The following FOCAD variants were observed in gnomAD, a reference collection of about 807,000 sequenced individuals.
FOCAD encodes the protein focadhesin, also known as KIAA1797.
Under a neutral mutation model 225.6 loss-of-function variants are expected in FOCAD, and 198 were observed. The ratio of observed to expected loss-of-function variants is 0.88; its 90% CI spans 0.78 to 0.99. FOCAD has a LOEUF of 0.99. Ranked by LOEUF, FOCAD falls within the 50% of genes least tolerant of loss-of-function variation. FOCAD has a pLI of 0.00. For synonymous variants in FOCAD, 897 were observed against 755.0 expected, an observed-to-expected ratio of 1.19 and a Z score of -3.08; for missense variants, 2,713 against 2,123.6, an observed-to-expected ratio of 1.28 and a Z score of -5.46.
chr9:20,935,818 A>T (rs1045663601), intron 28 of FOCAD, among the ~76,000 whole-genome samples: 1 of 152,264 alleles, frequency 6.6e-6, no homozygotes, highest in African/African-American at 2.4e-5. Context: ...AAATGGAAGC[A>T]AACAGGTTAT....
intron 18 of FOCAD, among the ~76,000 whole-genome samples, chr9:20,870,532 C>G (rs576736412): frequency 2.0e-5 from 3 of 152,166 alleles, no homozygotes; most frequent in Non-Finnish European, 4.4e-5. Flanking sequence ...AAAAGTGATA[C>G]ATATTAGGTA....
intron 1 of FOCAD, among the ~76,000 whole-genome samples, chr9:20,707,259 A>C (rs1276265832): frequency 6.6e-6 from 1 of 152,168 alleles, no homozygotes; most frequent in Non-Finnish European, 1.5e-5. Flanking sequence ...GCTAAGATAA[A>C]AGTATTTTCT....
At chr9:20,919,514 A>G (rs550281481) in intron 24 of FOCAD, among the ~76,000 whole-genome samples, 1 of 152,214 alleles carries the variant, frequency 6.6e-6, no homozygotes, top group Non-Finnish European at 1.5e-5. Flanking sequence ...GTCAATCCTA[A>G]GCCAAAAGAA....
rs12552707 is a variant in FOCAD, at chr9:20,944,559, G to A, written c.3408-68G>A. The A allele has an allele frequency of 0.28, 436,068 of 1,541,640 alleles. 63,029 individuals carry two copies. Among genetic ancestry groups the A allele is most frequent in the Middle Eastern group, 0.34 (1,991 of 5,788 alleles). On this transcript the variant is annotated intron_variant, in intron 28 of 43. Coordinates refer to ENST00000338382, the MANE Select transcript of FOCAD (RefSeq NM_001375567.1). Reference sequence around the variant, plus strand: ...AGGTTTGAGAGCTCTGTAAACACCCGTGGTAAGTGAAGAGCAATTGTGTGG... The same window carrying A: ...AGGTTTGAGAGCTCTGTAAACACCCATGGTAAGTGAAGAGCAATTGTGTGG...
chr9:20,756,768 TA>T (rs1829090767), intron 5 of FOCAD, among the ~76,000 whole-genome samples: 1 of 152,310 alleles, frequency 6.6e-6, no homozygotes, highest in African/African-American at 2.4e-5. Context: ...AAGGCAATCT[TA>T]AAAAATCATC....
chr9:20,732,467 C>T (rs779035917), intron 4 of FOCAD, among the ~76,000 whole-genome samples: 4 of 152,024 alleles, frequency 2.6e-5, no homozygotes, highest in Non-Finnish European at 5.9e-5. Context: ...TGAAAGAATG[C>T]TAAGAGTGAG....
At chr9:20,874,558 T>A in intron 18 of FOCAD, 123 bp from the exon 19 acceptor site, 2 of 921,032 alleles carry the variant, frequency 2.2e-6, no homozygotes, top group Non-Finnish European at 1.6e-6. Flanking sequence ...AGTGGTCTTT[T>A]ATGTTATAGA....
In FOCAD at chr9:20,717,885, A is replaced by G; in HGVS notation, c.132+17A>G. 1 of 1,599,076 alleles carries G rather than the reference A, an allele frequency of 6.3e-7. No individual in the cohort carries two copies. The highest frequency in any genetic ancestry group is 8.6e-7 in the Non-Finnish European group (1 of 1,167,960). ...ACAAATCAGGTCTGTGTTTAACTTT[A>G]TGCTTTAATTCTCTTCAGATAAGAT... is the stretch of plus-strand genomic sequence containing the variant. On this transcript the variant is annotated intron_variant, in intron 3 of 43. Transcript: ENST00000338382.
rs140659315 is a variant in FOCAD, at chr9:20,780,726, A to G, written c.995-1001A>G. Among the ~76,000 whole-genome samples, 191 of 152,288 alleles carry G rather than the reference A, an allele frequency of 1.3e-3. 1 individual carries two copies. The highest frequency in any genetic ancestry group is 4.3e-3 in the African/African-American group (177 of 41,562). ...TTATAAAAATGCCTGGAATATTTAG[A>G]TTTATAATTTAGGCTATTAAAATAC... On this transcript the variant is annotated intron_variant, in intron 9 of 43. Coordinates refer to ENST00000338382, the MANE Select transcript of FOCAD (RefSeq NM_001375567.1).
chr9:20,757,003 C>G (rs1218459180), intron 5 of FOCAD, among the ~76,000 whole-genome samples: 1 of 152,082 alleles, frequency 6.6e-6, no homozygotes, highest in African/African-American at 2.4e-5. Flanking sequence ...AATATCAGTT[C>G]ACCGCAACCT....
At chr9:20,798,488 T>C (rs1318430597) in intron 11 of FOCAD, among the ~76,000 whole-genome samples, 2 of 152,220 alleles carry the variant, frequency 1.3e-5, no homozygotes, top group South Asian at 2.1e-4. Context: ...GGACTTTTTT[T>C]GGTTGGTAAG....
chr9:20,708,313 A>C (rs1045451368), intron 1 of FOCAD, among the ~76,000 whole-genome samples: 4 of 152,224 alleles, frequency 2.6e-5, no homozygotes, highest in Non-Finnish European at 5.9e-5. Context: ...TAAATTCCAT[A>C]ACTGATAATT....
chr9:20,981,334 C>G, intron 37 of FOCAD, 92 bp from the exon 38 acceptor site: 1 of 1,403,216 alleles, frequency 7.1e-7, no homozygotes, highest in Non-Finnish European at 9.8e-7. Flanking sequence ...ATCTCTCAGT[C>G]TACCCTCAAA....
At position 20,948,375 on chromosome 9, in the gene FOCAD, C is replaced by T. The variant is rs184087722; in HGVS notation, c.3780C>T (p.Ile1260=). The change falls in exon 31 of 44, where the codon ATC becomes ATT. Residue 1260 remains isoleucine, a synonymous_variant. Transcript: ENST00000338382. ...DLGSKLLPAW[I]RIVLTEGTPT... ...GCAGCAAACTACTCCCTGCCTGGAT[C>T]AGAATTGTTCTAACAGAGGTAGAGG... 2 of 1,611,952 alleles carry T rather than the reference C, an allele frequency of 1.2e-6. No homozygotes were observed. Among genetic ancestry groups the T allele is most frequent in the Non-Finnish European group, 1.7e-6 (2 of 1,178,686 alleles).
chr9:20,868,151 A>G (rs957809614), intron 18 of FOCAD, among the ~76,000 whole-genome samples: 1 of 152,106 alleles, frequency 6.6e-6, no homozygotes, highest in Non-Finnish European at 1.5e-5. Flanking sequence ...GACCAGCAAT[A>G]CCCATTGTTG....
At chr9:20,679,699 G>T (rs987496149), upstream of FOCAD, among the ~76,000 whole-genome samples, 1 of 152,148 alleles carries the variant, frequency 6.6e-6, no homozygotes, top group African/African-American at 2.4e-5. Context: ...AATACAAGGA[G>T]TTGAACAGAA....
chr9:20,753,113 A>C (rs541100143), intron 5 of FOCAD, among the ~76,000 whole-genome samples: 103 of 152,266 alleles, frequency 6.8e-4, no homozygotes, highest in Non-Finnish European at 1.1e-3. Context: ...AAACAGGGAC[A>C]ATTTGACTTC....
At chr9:20,839,155 T>G (rs557982462) in intron 15 of FOCAD, among the ~76,000 whole-genome samples, 1 of 152,174 alleles carries the variant, frequency 6.6e-6, no homozygotes, top group African/African-American at 2.4e-5. Context: ...TTTGTGAGTA[T>G]GTGTGTTTCC....
intron 36 of FOCAD, 76 bp downstream of exon 36, chr9:20,976,624 C>A: frequency 6.8e-7 from 1 of 1,468,106 alleles, no homozygotes; most frequent in Non-Finnish European, 9.5e-7. Flanking sequence ...GATTCTGTGT[C>A]ACAATGTGTA....
Sources: allele counts gnomAD v4.1 joint callset (sites outside exome capture counted in the v4.1 genomes callset), GRCh38; gene constraint gnomAD v4.1.1; transcripts MANE v1.5; gene names NCBI Gene and HGNC (gene_info 2026-07-23, HGNC 2026-07-21).